The following GRK5 variants were observed in gnomAD, a reference collection of about 807,000 sequenced individuals.
GRK5 encodes g protein-coupled receptor kinase GRK5.
A neutral mutation model predicts 78.4 loss-of-function variants in GRK5; 40 were observed. The observed-to-expected ratio is 0.51, with a 90% CI of 0.40 to 0.66. GRK5 has a LOEUF of 0.66. Among genes scored for constraint, GRK5 ranks in the 30% least tolerant of loss-of-function variants. GRK5 has a pLI of 0.00. For synonymous variants in GRK5, 289 were observed against 296.8 expected, an observed-to-expected ratio of 0.97 and a Z score of 0.27; for missense variants, 598 against 759.9, an observed-to-expected ratio of 0.79 and a Z score of 2.50.
intron 1 of GRK5, among the ~76,000 whole-genome samples, chr10:119,232,160 A>G (rs1848841616): frequency 6.6e-6 from 1 of 152,246 alleles, no homozygotes; most frequent in African/African-American, 2.4e-5. Context: ...CTGAAGAATG[A>G]AGTCTTGCCA....
intron 4 of GRK5, among the ~76,000 whole-genome samples, chr10:119,417,624 C>T (rs1852486683): frequency 6.8e-6 from 1 of 147,722 alleles, no homozygotes; most frequent in Admixed American, 6.8e-5. Context: ...AGCAATACAT[C>T]ATCCACACCA....
intron 1 of GRK5, among the ~76,000 whole-genome samples, chr10:119,304,495 C>G (rs1246004896): frequency 6.6e-6 from 1 of 152,080 alleles, no homozygotes; most frequent in African/African-American, 2.4e-5. Context: ...TGCACATGGG[C>G]TTCTGTGCAT....
chr10:119,402,133 T>TG (rs1852161675), intron 4 of GRK5, among the ~76,000 whole-genome samples: 1 of 152,096 alleles, frequency 6.6e-6, no homozygotes, highest in Non-Finnish European at 1.5e-5. Context: ...CCATGGCCAG[T>TG]GGGGAGGCTG....
At chr10:119,323,907 C>T (rs889951094) in intron 1 of GRK5, among the ~76,000 whole-genome samples, 2 of 152,250 alleles carry the variant, frequency 1.3e-5, no homozygotes, top group East Asian at 1.9e-4. Context: ...TTTGTGTCCT[C>T]ATCTGAGCTC....
At chr10:119,355,606 CCT>C (rs1224640300) in intron 2 of GRK5, among the ~76,000 whole-genome samples, 2 of 152,148 alleles carry the variant, frequency 1.3e-5, no homozygotes, top group African/African-American at 4.8e-5. Context: ...TGGCGAAACC[CCT>C]GTCTCTATTA....
chr10:119,400,483 G>A (rs545872882), intron 4 of GRK5, among the ~76,000 whole-genome samples: 3 of 152,318 alleles, frequency 2.0e-5, no homozygotes, highest in Admixed American at 2.0e-4. Flanking sequence ...CATGGATGCC[G>A]TTGAACATTC....
At chr10:119,442,234 T>A in intron 11 of GRK5, 146 bp downstream of exon 11, 1 of 725,518 alleles carries the variant, frequency 1.4e-6, no homozygotes, top group Non-Finnish European at 2.4e-6. Flanking sequence ...GCAGGGCTGC[T>A]GGGGGGCGGC....
intron 1 of GRK5, among the ~76,000 whole-genome samples, chr10:119,292,817 GA>G (rs1850007998): frequency 1.3e-5 from 2 of 151,590 alleles, no homozygotes; most frequent in Admixed American, 1.3e-4. Flanking sequence ...AATGGCAACA[GA>G]AAAAGTCCAT....
At chr10:119,323,598 C>T (rs1042996886) in intron 1 of GRK5, among the ~76,000 whole-genome samples, 1 of 152,192 alleles carries the variant, frequency 6.6e-6, no homozygotes, top group African/African-American at 2.4e-5. Context: ...ATGTGCTGTC[C>T]CCCGGGCAGC....
chr10:119,329,723 T>A (rs1850735513), intron 2 of GRK5, among the ~76,000 whole-genome samples: 1 of 151,946 alleles, frequency 6.6e-6, no homozygotes, highest in Non-Finnish European at 1.5e-5. Flanking sequence ...AGAGTGAAAC[T>A]CTGTCTCAAA....
At chr10:119,275,848 G>A (rs572497278) in intron 1 of GRK5, among the ~76,000 whole-genome samples, 4 of 152,218 alleles carry the variant, frequency 2.6e-5, no homozygotes, top group African/African-American at 7.2e-5. Flanking sequence ...TTAGTGTTCC[G>A]AATTCAACAT....
intron 2 of GRK5, chr10:119,333,828 T>G (rs765682176): frequency 7.5e-6 from 4 of 533,016 alleles, no homozygotes; most frequent in South Asian, 5.6e-5. Flanking sequence ...GGAGACCAAC[T>G]GAAATTAAGA....
intron 9 of GRK5, among the ~76,000 whole-genome samples, chr10:119,437,693 A>AT (rs901441601): frequency 1.3e-5 from 2 of 152,046 alleles, no homozygotes; most frequent in African/African-American, 2.4e-5. Flanking sequence ...TTAATAATAT[A>AT]TTTTTTTGCC....
At chr10:119,224,059 C>T (rs530020183) in intron 1 of GRK5, among the ~76,000 whole-genome samples, 1 of 152,272 alleles carries the variant, frequency 6.6e-6, no homozygotes, top group South Asian at 2.1e-4. Context: ...TACTCCCAAG[C>T]CAGGAAGATC....
intron 1 of GRK5, among the ~76,000 whole-genome samples, chr10:119,222,543 T>C (rs1012696981): frequency 6.6e-6 from 1 of 152,122 alleles, no homozygotes; most frequent in Non-Finnish European, 1.5e-5. Flanking sequence ...GGTTCCCACC[T>C]GAGAATAGAA....
At position 119,430,899 on chromosome 10, in the gene GRK5, A is replaced by C. The variant is rs1008621452; in HGVS notation, c.597+461A>C. On this transcript the variant is annotated intron_variant, in intron 7 of 15. Coordinates refer to ENST00000392870, the MANE Select transcript of GRK5 (RefSeq NM_005308.3). This position sits in a 1 kb window ranked among gnomAD's most constrained non-coding sequence, Gnocchi z 4.5. The stretch of plus-strand genomic sequence containing the variant: ...GAGATGAGGAAAGCTGAGGTCCAGA[A>C]TGGTTAGGTGACCCAGCCAAGGGCG... Among the ~76,000 whole-genome samples the C allele has an allele frequency of 2.0e-5, 3 of 152,200 alleles. No homozygotes were observed. Among genetic ancestry groups the C allele is most frequent in the Admixed American group, 2.0e-4 (3 of 15,284 alleles).
chr10:119,245,187 A>G (rs1252800949), intron 1 of GRK5, among the ~76,000 whole-genome samples: 1 of 152,208 alleles, frequency 6.6e-6, no homozygotes, highest in Non-Finnish European at 1.5e-5. Flanking sequence ...CTGAGGCAGA[A>G]GAATCTCTTG....
Position 119,425,268 on chromosome 10 carries a change from TACAC to T in GRK5, c.533+209_533+212del, listed in dbSNP as rs112640010. On this transcript the variant is annotated intron_variant, in intron 6 of 15. Coordinates refer to ENST00000392870, the MANE Select transcript of GRK5 (RefSeq NM_005308.3). ...GTATGCTTATTCAAGCACACACACA[TACAC>T]ACACACACACACACACACACACACA... Among the ~76,000 whole-genome samples, 1,167 of 126,716 alleles carry T rather than the reference TACAC, an allele frequency of 9.2e-3. 10 individuals are homozygous for T. Among genetic ancestry groups the T allele is most frequent in the African/African-American group, 0.026 (981 of 38,390 alleles). 83.1% of individuals were successfully genotyped at this position (126,716 alleles called of 152,430 possible). A position where few individuals can be genotyped will look rare whatever the true frequency, so the allele number is the denominator to read the frequency against.
rs1850679607 is a variant in GRK5, at chr10:119,326,382, TG to T, written c.53-129del. 13 of 679,676 alleles carry T rather than the reference TG, an allele frequency of 1.9e-5. No homozygotes were observed. The East Asian group carries it at 3.5e-4, about 18-fold the overall frequency. 42.1% of individuals were successfully genotyped at this position (679,676 alleles called of 1,614,324 possible). On this transcript the variant is annotated intron_variant, in intron 1 of 15. Transcript: ENST00000392870. ...GTGTGTGTTTGTGTGTGTCTTGGGC[TG>T]GGGGTGTGTCACTGGCTTGGCCTAC...
Sources: allele counts gnomAD v4.1 joint callset (sites outside exome capture counted in the v4.1 genomes callset), GRCh38; gene constraint gnomAD v4.1.1; non-coding constraint Gnocchi (gnomAD v3.1); transcripts MANE v1.5; gene names NCBI Gene and HGNC (gene_info 2026-07-23, HGNC 2026-07-21).